The following EXD2 variants were observed in gnomAD, a reference collection of about 807,000 sequenced individuals.
EXD2 encodes exonuclease 3'-5' domain containing 2, also known as exonuclease 3'-5' domain-containing protein 2.
In EXD2, 40 loss-of-function variants were observed where a neutral mutation model predicts 62.5. That is an observed-to-expected ratio of 0.64 (90% CI 0.50 to 0.83). The LOEUF (loss-of-function observed/expected upper bound fraction) is 0.83. Among genes scored for constraint, EXD2 ranks in the 40% least tolerant of loss-of-function variants. EXD2 has a pLI of 0.00. For missense variants in EXD2, 671 were observed against 761.8 expected, an observed-to-expected ratio of 0.88 and a Z score of 1.40; for synonymous variants, 239 against 291.9, an observed-to-expected ratio of 0.82 and a Z score of 1.85.
chr14:69,234,295 C>G (rs2043692855), intron 5 of EXD2, among the ~76,000 whole-genome samples: 1 of 152,102 alleles, frequency 6.6e-6, no homozygotes, highest in Non-Finnish European at 1.5e-5. Flanking sequence ...TTCAGCCATT[C>G]CAGAGGATGA....
chr14:69,210,544 A>G (rs776370693), intron 3 of EXD2, among the ~76,000 whole-genome samples: 2 of 152,206 alleles, frequency 1.3e-5, no homozygotes, highest in Non-Finnish European at 1.5e-5. Context: ...GCGGTGGCTC[A>G]TGACTGTAAT....
chr14:69,218,589 T>G (rs912158269), intron 3 of EXD2, among the ~76,000 whole-genome samples: 1 of 152,236 alleles, frequency 6.6e-6, no homozygotes. Flanking sequence ...GTTTTAGACA[T>G]GAAGTCCTTG....
chr14:69,225,864 G>C (rs2043342107), intron 3 of EXD2, among the ~76,000 whole-genome samples: 1 of 152,150 alleles, frequency 6.6e-6, no homozygotes, highest in Non-Finnish European at 1.5e-5. Flanking sequence ...TATGTACCTA[G>C]TGGAATCATA....
chr14:69,242,484 G>A lies in EXD2; in HGVS notation c.*1384G>A, dbSNP rs1376908737. 6.5e-6 allele frequency: 1 copy of A among 154,186 alleles called. No individual in the cohort carries two copies. Among genetic ancestry groups the A allele is most frequent in the East Asian group, 1.9e-4 (1 of 5,236 alleles). The allele number at this position is 154,186 out of a possible 1,614,324, so 9.6% of individuals were successfully genotyped here. On this transcript the variant is annotated 3_prime_UTR_variant, in exon 10 of 10. Transcript: ENST00000685843. Reference sequence around the variant, plus strand: ...ATGGTATGTGTGCATGGATATACCAGACACAGTCACCATCGGCCATCAGTA... The same window carrying A: ...ATGGTATGTGTGCATGGATATACCAAACACAGTCACCATCGGCCATCAGTA...
In EXD2 at chr14:69,242,251, TAAA is replaced by T; in HGVS notation, c.*1155_*1157del. ...TTATTTTATAAGATCTTAACAAGCT[TAAA>T]AAAGAATTTTATGACCAGAATCCAA... On this transcript the variant is annotated 3_prime_UTR_variant, in exon 10 of 10. Transcript: ENST00000685843. The T allele has an allele frequency of 2.6e-6, 1 of 385,642 alleles. No individual in the cohort carries two copies. The highest frequency in any genetic ancestry group is 4.6e-6 in the Non-Finnish European group (1 of 218,812). The allele number at this position is 385,642 out of a possible 1,614,324, so 23.9% of individuals were successfully genotyped here. A position where few individuals can be genotyped will look rare whatever the true frequency, so the allele number is the denominator to read the frequency against.
At chr14:69,192,902 G>A (rs4902698) in intron 1 of EXD2, among the ~76,000 whole-genome samples, 1,720 of 152,184 alleles carry the variant, frequency 0.011, 26 homozygotes, top group East Asian at 0.055. Context: ...ACAGTATGGC[G>A]GAGAACATCC....
chr14:69,240,912 G>A lies in EXD2; in HGVS notation c.1678G>A (p.Gly560Arg), dbSNP rs767181661. 6 of 1,613,472 alleles carry A rather than the reference G, an allele frequency of 3.7e-6. No homozygotes were observed. The highest frequency in any genetic ancestry group is 1.7e-5 in the Admixed American group (1 of 59,996). Residue 560 changes from glycine (G) to arginine (R), a missense_variant, in exon 10 of 10, where the codon GGG (glycine) becomes AGG (arginine). Transcript: ENST00000685843. ...CTCCAATGAAAACTATGTTCCTCAC[G>A]GGCTGAAGGTGGTGCAGTGTCACAG... The part of the protein sequence containing the change: ...RISNENYVPH[G>R]LKVVQCHSQG...
intron 3 of EXD2, among the ~76,000 whole-genome samples, chr14:69,228,612 C>T (rs1594771791): frequency 2.0e-5 from 3 of 152,298 alleles, no homozygotes; most frequent in Admixed American, 2.0e-4. Flanking sequence ...TTGGGGTTCT[C>T]GGTAACCTTT....
chr14:69,229,533 T>C (rs1472713500), intron 4 of EXD2, among the ~76,000 whole-genome samples: 2 of 152,206 alleles, frequency 1.3e-5, no homozygotes, highest in Admixed American at 1.3e-4. Flanking sequence ...GAGCGTGCTC[T>C]GTTCAGTTTG....
At chr14:69,196,792 A>AT (rs35991332) in intron 1 of EXD2, among the ~76,000 whole-genome samples, 89 of 146,030 alleles carry the variant, frequency 6.1e-4, no homozygotes, top group Admixed American at 2.3e-3. Context: ...TGGCCAATTA[A>AT]TTTTTTTTTT....
intron 3 of EXD2, among the ~76,000 whole-genome samples, chr14:69,222,307 A>G (rs941963245): frequency 6.6e-6 from 1 of 151,598 alleles, no homozygotes; most frequent in South Asian, 2.1e-4. Flanking sequence ...TTTGTGTTTA[A>G]TTGATTTCTA....
At chr14:69,236,849 TC>T (rs2043811982) in intron 8 of EXD2, among the ~76,000 whole-genome samples, 2 of 152,208 alleles carry the variant, frequency 1.3e-5, no homozygotes, top group Non-Finnish European at 2.9e-5. Context: ...GCTGTGTCCC[TC>T]TCATCCTCTC....
chr14:69,236,016 G>C (rs1242872608), intron 6 of EXD2, 30 bp from the exon 7 acceptor site: 1 of 1,567,348 alleles, frequency 6.4e-7, no homozygotes, highest in East Asian at 2.2e-5. Context: ...TTAGCTTCCG[G>C]TTTGAGATTT....
Position 69,241,342 on chromosome 14 carries a change from C to T in EXD2, c.*242C>T. 4 of 462,700 alleles carry T rather than the reference C, an allele frequency of 8.6e-6. No homozygotes were observed. The South Asian group carries it at 1.6e-4, about 19-fold the overall frequency. 28.7% of individuals were successfully genotyped at this position (462,700 alleles called of 1,614,324 possible). Reference sequence around the variant, plus strand: ...TCTCATTTTTGTGGACAAGAGAGGCCTTCGCCTTTATTTTTACTCTCCCTC... The same window carrying T: ...TCTCATTTTTGTGGACAAGAGAGGCTTTCGCCTTTATTTTTACTCTCCCTC... On this transcript the variant is annotated 3_prime_UTR_variant, in exon 10 of 10. Transcript: ENST00000685843.
intron 3 of EXD2, among the ~76,000 whole-genome samples, chr14:69,216,250 ACAAGTGT>A (rs1351800572): frequency 6.6e-6 from 1 of 152,192 alleles, no homozygotes; most frequent in Non-Finnish European, 1.5e-5. Context: ...TTATCACAAA[ACAAGTGT>A]CTGTATGTGT....
intron 2 of EXD2, among the ~76,000 whole-genome samples, chr14:69,206,455 CTTT>C (rs56333403): frequency 0.038 from 3,548 of 94,426 alleles, 667 homozygotes; most frequent in South Asian, 0.064. Flanking sequence ...CACCCACCCA[CTTT>C]TTTTTTTTTT....
intron 3 of EXD2, among the ~76,000 whole-genome samples, chr14:69,228,427 G>A (rs886949722): frequency 2.6e-5 from 4 of 152,008 alleles, no homozygotes; most frequent in Admixed American, 2.0e-4. Flanking sequence ...CCTGACCTCA[G>A]GTGATCCGCC....
chr14:69,228,652 G>A (rs899241695), intron 3 of EXD2, among the ~76,000 whole-genome samples, 164 bp from the exon 4 acceptor site: 20 of 152,264 alleles, frequency 1.3e-4, no homozygotes, highest in Admixed American at 3.9e-4. Flanking sequence ...AAAGTCCATT[G>A]CATTTGTTAC....
chr14:69,206,251 T>C (rs1594736542), intron 2 of EXD2, among the ~76,000 whole-genome samples: 1 of 152,028 alleles, frequency 6.6e-6, no homozygotes, highest in Middle Eastern at 3.4e-3. Context: ...GGGACTCTGT[T>C]CATGCCTTTG....
Sources: gnomAD v4.1 joint callset for allele counts (sites outside exome capture counted in the v4.1 genomes callset) on GRCh38, gnomAD v4.1.1 for gene constraint, MANE v1.5 for transcripts, NCBI Gene and HGNC (gene_info 2026-07-23, HGNC 2026-07-21) for gene names.